The following TMCO6 variants were observed in gnomAD, a reference collection of about 807,000 sequenced individuals.
TMCO6 encodes the protein transmembrane and coiled-coil domains 6.
Under a neutral mutation model 61.8 loss-of-function variants are expected in TMCO6, and 47 were observed. The ratio of observed to expected loss-of-function variants is 0.76; its 90% CI spans 0.60 to 0.97. The LOEUF (loss-of-function observed/expected upper bound fraction) is 0.97, where lower values mean the gene tolerates loss of function less well. TMCO6 is among the 50% of genes least tolerant of loss of function. The pLI is 0.00. For synonymous variants in TMCO6, 261 were observed against 254.2 expected (o/e 1.03, Z -0.25); for missense variants, 557 against 601.6 (o/e 0.93, Z 0.78).
Position 140,639,609 on chromosome 5 carries a change from G to A in TMCO6, c.82G>A (p.Ala28Thr), listed in dbSNP as rs954698855. Residue 28 changes from alanine to threonine, a missense_variant, in exon 1 of 12, where the codon GCA becomes ACA. Physicochemically the swap from Ala to Thr is moderately conservative, Grantham distance 58. Coordinates refer to ENST00000394671, the MANE Select transcript of TMCO6 (RefSeq NM_018502.5). ...ACGGCGCCGCCGGCGGGAGCGGGAG[G>A]CAGGTGTGGGCGGCCGAGGGAGCGC... ...ELRRRRRERE[A>T]ALRKARREQQ... 15 of 1,542,608 alleles carry A rather than the reference G, an allele frequency of 9.7e-6. No homozygotes were observed. In the East Asian group the frequency reaches 1.5e-4, roughly 15 times the overall value.
rs144266100 is a variant in TMCO6, at chr5:140,644,062, G to A, written c.1106-38G>A. On this transcript the variant is annotated intron_variant, in intron 9 of 11. Coordinates refer to ENST00000394671, the MANE Select transcript of TMCO6 (RefSeq NM_018502.5). ...GTGGGTAGTATTGACAGGGGTGGTG[G>A]GGGAAAGCAGTTTTTCACCCTGGTA... 2.5e-4 allele frequency: 409 copies of A among 1,613,404 alleles called. 6 individuals are homozygous for A. In the South Asian group the frequency reaches 4.3e-3, roughly 17 times the overall value.
intron 2 of TMCO6, among the ~76,000 whole-genome samples, chr5:140,640,866 GTGAA>G (rs1756983854): frequency 1.3e-5 from 2 of 152,212 alleles, no homozygotes; most frequent in African/African-American, 2.4e-5. Flanking sequence ...TATTGAATGA[GTGAA>G]TGAAAGGATT....
At chr5:140,626,125 A>G in the TMCO6 span, among the ~76,000 whole-genome samples, 1 of 152,098 alleles carries the variant, frequency 6.6e-6, no homozygotes, top group Non-Finnish European at 1.5e-5. Context: ...ATGGCTCCCA[A>G]ATTCTTATAG....
At chr5:140,601,429 G>T in the TMCO6 span, among the ~76,000 whole-genome samples, 1 of 152,188 alleles carries the variant, frequency 6.6e-6, no homozygotes, top group South Asian at 2.1e-4. Flanking sequence ...TCCAAACAAG[G>T]TTGGATAAAT....
At chr5:140,615,317 T>A in the TMCO6 span, among the ~76,000 whole-genome samples, 6 of 152,222 alleles carry the variant, frequency 3.9e-5, no homozygotes, top group Non-Finnish European at 8.8e-5. Context: ...AACAGAAAGT[T>A]AATCCATGTT....
At chr5:140,632,406 A>G in the TMCO6 span, 1 of 1,614,160 alleles carries the variant, frequency 6.2e-7, no homozygotes, top group Middle Eastern at 1.6e-4. This position sits in a 1 kb window ranked among gnomAD's most constrained non-coding sequence, Gnocchi z 6.2. Context: ...AAGGGCCGGG[A>G]AGGCGCGAAC....
the TMCO6 span, among the ~76,000 whole-genome samples, chr5:140,624,899 G>T: frequency 7.3e-6 from 1 of 136,104 alleles, no homozygotes; most frequent in East Asian, 2.2e-4. Flanking sequence ...CTGTGCCCAG[G>T]CTAGAGTACA....
At chr5:140,623,527 C>T in the TMCO6 span, among the ~76,000 whole-genome samples, 4 of 152,212 alleles carry the variant, frequency 2.6e-5, no homozygotes, top group Middle Eastern at 3.4e-3. Context: ...TGAACCCCAT[C>T]GGTCTCTCTG....
At chr5:140,630,392 A>G in the TMCO6 span, among the ~76,000 whole-genome samples, 3 of 152,124 alleles carry the variant, frequency 2.0e-5, no homozygotes, top group East Asian at 5.8e-4. Flanking sequence ...ATAAAATACC[A>G]TAGACTGGTG....
upstream of TMCO6, among the ~76,000 whole-genome samples, chr5:140,636,976 T>A (rs1259848542): frequency 6.6e-6 from 1 of 152,124 alleles, no homozygotes. Flanking sequence ...ACACTATAAC[T>A]TAATGATAGC....
chr5:140,614,403 G>A, the TMCO6 span, among the ~76,000 whole-genome samples: 1 of 152,090 alleles, frequency 6.6e-6, no homozygotes, highest in East Asian at 2.0e-4. Flanking sequence ...AGCTACTTGG[G>A]AGGCTGAAGC....
At chr5:140,624,903 G>A in the TMCO6 span, among the ~76,000 whole-genome samples, 1 of 142,020 alleles carries the variant, frequency 7.0e-6, no homozygotes, top group African/African-American at 2.7e-5. Flanking sequence ...GCCCAGGCTA[G>A]AGTACAGTGG....
At chr5:140,598,960 A>T in the TMCO6 span, among the ~76,000 whole-genome samples, 9 of 152,022 alleles carry the variant, frequency 5.9e-5, no homozygotes, top group Non-Finnish European at 1.0e-4. Flanking sequence ...CAAAAAACCA[A>T]AGTAAGTGTC....
the TMCO6 span, among the ~76,000 whole-genome samples, chr5:140,627,051 AC>A: frequency 6.6e-6 from 1 of 151,480 alleles, no homozygotes; most frequent in South Asian, 2.1e-4. Context: ...TAATACTTTA[AC>A]CCCCTAAACT....
chr5:140,628,177 T>G, the TMCO6 span, among the ~76,000 whole-genome samples: 1 of 99,366 alleles, frequency 1.0e-5, no homozygotes, highest in Non-Finnish European at 2.1e-5. Flanking sequence ...CCCAGCTATA[T>G]ATATATATTT....
chr5:140,596,884 G>A, the TMCO6 span, among the ~76,000 whole-genome samples: 3 of 152,204 alleles, frequency 2.0e-5, no homozygotes, highest in Non-Finnish European at 4.4e-5. Context: ...GTCCTTTGCT[G>A]TCTTTCTGTA....
chr5:140,634,869 GC>G (rs1489472733), upstream of TMCO6, among the ~76,000 whole-genome samples: 2 of 152,162 alleles, frequency 1.3e-5, no homozygotes, highest in Non-Finnish European at 2.9e-5. Flanking sequence ...TGCAATCTCC[GC>G]CTCCCAGGTT....
At chr5:140,647,277 G>A, downstream of TMCO6, 1 of 1,562,522 alleles carries the variant, frequency 6.4e-7, no homozygotes, top group Non-Finnish European at 8.7e-7. Context: ...CAGAGCTTGG[G>A]CTGCACATCG....
the TMCO6 span, among the ~76,000 whole-genome samples, chr5:140,621,435 T>A: frequency 2.0e-5 from 3 of 152,214 alleles, no homozygotes; most frequent in Non-Finnish European, 4.4e-5. Context: ...ACTTCCCCAG[T>A]CAATACCCTT....
Sources: allele counts gnomAD v4.1 joint callset (sites outside exome capture counted in the v4.1 genomes callset), GRCh38; gene constraint gnomAD v4.1.1; non-coding constraint Gnocchi (gnomAD v3.1); transcripts MANE v1.5; gene names NCBI Gene and HGNC (gene_info 2026-07-23, HGNC 2026-07-21).